The following ARB2A variants were observed in gnomAD, a reference collection of about 807,000 sequenced individuals.
The protein encoded by ARB2A is ARB2 cotranscriptional regulator A, also known as cotranscriptional regulator ARB2A.
At chr5:93,987,340 C>T in the ARB2A span, among the ~76,000 whole-genome samples, 2 of 152,038 alleles carry the variant, frequency 1.3e-5, no homozygotes, top group Admixed American at 6.6e-5. Context: ...TAATATTATT[C>T]AATAATATCA....
the ARB2A span, among the ~76,000 whole-genome samples, chr5:93,790,150 A>T: frequency 6.6e-6 from 1 of 152,202 alleles, no homozygotes; most frequent in African/African-American, 2.4e-5. Flanking sequence ...TCTGTACTTC[A>T]GCTTTATCAG....
chr5:93,912,262 A>G, the ARB2A span, among the ~76,000 whole-genome samples: 2 of 151,812 alleles, frequency 1.3e-5, no homozygotes, highest in African/African-American at 4.8e-5. Flanking sequence ...ATATTTTATC[A>G]TAATTTGCTT....
At chr5:93,948,289 T>C in the ARB2A span, among the ~76,000 whole-genome samples, 2 of 152,194 alleles carry the variant, frequency 1.3e-5, no homozygotes, top group Non-Finnish European at 1.5e-5. Flanking sequence ...TTTCATGTGT[T>C]TTTTGGCTGC....
the ARB2A span, among the ~76,000 whole-genome samples, chr5:93,768,002 A>C: frequency 1.5e-4 from 21 of 142,518 alleles, no homozygotes; most frequent in African/African-American, 5.1e-4. Flanking sequence ...TCAAAAAAAA[A>C]AAAAAAAAAA....
the ARB2A span, among the ~76,000 whole-genome samples, chr5:93,997,856 T>A: frequency 2.0e-5 from 3 of 151,952 alleles, no homozygotes; most frequent in Non-Finnish European, 4.4e-5. Context: ...ATATTGACCC[T>A]CACATACTCA....
At chr5:94,017,755 C>T in the ARB2A span, among the ~76,000 whole-genome samples, 1 of 152,096 alleles carries the variant, frequency 6.6e-6, no homozygotes, top group South Asian at 2.1e-4. Flanking sequence ...GTACAGTAGT[C>T]CCACTATTAC....
chr5:93,910,676 C>T, the ARB2A span: 2 of 151,362 alleles, frequency 1.3e-5, no homozygotes, highest in African/African-American at 4.8e-5. Context: ...GGTATTGTGA[C>T]ACATAACTAG....
the ARB2A span, among the ~76,000 whole-genome samples, chr5:93,727,431 T>A: frequency 6.6e-6 from 1 of 152,194 alleles, no homozygotes; most frequent in East Asian, 1.9e-4. Flanking sequence ...ATGATTTGGA[T>A]GAGCTATATT....
chr5:93,989,793 A>G, the ARB2A span, among the ~76,000 whole-genome samples: 1 of 152,150 alleles, frequency 6.6e-6, no homozygotes, highest in Non-Finnish European at 1.5e-5. Context: ...CATGTTTCAA[A>G]ACCAAGAAAA....
At chr5:93,712,945 T>C in the ARB2A span, among the ~76,000 whole-genome samples, 1 of 152,082 alleles carries the variant, frequency 6.6e-6, no homozygotes, top group South Asian at 2.1e-4. Flanking sequence ...GCCAAGAACA[T>C]ACACTGGGGA....
chr5:93,692,050 G>T, the ARB2A span, among the ~76,000 whole-genome samples: 1 of 152,048 alleles, frequency 6.6e-6, no homozygotes, highest in Admixed American at 6.6e-5. Context: ...AGGAAAAACT[G>T]GTACCTACCA....
chr5:93,799,328 C>T, the ARB2A span, among the ~76,000 whole-genome samples: 1 of 152,032 alleles, frequency 6.6e-6, no homozygotes, highest in South Asian at 2.1e-4. Context: ...GATAGTGTTG[C>T]TGTTGTTTTC....
the ARB2A span, among the ~76,000 whole-genome samples, chr5:93,923,572 A>G: frequency 6.6e-6 from 1 of 152,214 alleles, no homozygotes; most frequent in Admixed American, 6.5e-5. Flanking sequence ...CTGTAATCAC[A>G]GAACTCTGAG....
At chr5:94,077,086 G>A in the ARB2A span, among the ~76,000 whole-genome samples, 3 of 151,940 alleles carry the variant, frequency 2.0e-5, no homozygotes, top group African/African-American at 7.2e-5. Flanking sequence ...TAAGTTAAAA[G>A]ACTATTGGCT....
the ARB2A span, among the ~76,000 whole-genome samples, chr5:93,809,137 T>C: frequency 6.6e-6 from 1 of 152,020 alleles, no homozygotes; most frequent in South Asian, 2.1e-4. Flanking sequence ...AAACACTACA[T>C]AAAATATGAA....
the ARB2A span, among the ~76,000 whole-genome samples, chr5:93,784,005 T>G: frequency 6.6e-6 from 1 of 152,186 alleles, no homozygotes; most frequent in African/African-American, 2.4e-5. Context: ...AAAAGGAGAC[T>G]AAGTGTACCT....
chr5:93,784,145 A>G, the ARB2A span: 2 of 365,406 alleles, frequency 5.5e-6, no homozygotes, highest in East Asian at 4.9e-5. Context: ...ATTGAACACT[A>G]TACACATATA....
At chr5:93,985,848 G>A in the ARB2A span, among the ~76,000 whole-genome samples, 10 of 152,266 alleles carry the variant, frequency 6.6e-5, no homozygotes, top group Admixed American at 3.3e-4. Context: ...CCGCCACCCC[G>A]TCTGGGAAGT....
At chr5:94,046,620 T>G in the ARB2A span, among the ~76,000 whole-genome samples, 1 of 152,150 alleles carries the variant, frequency 6.6e-6, no homozygotes, top group Non-Finnish European at 1.5e-5. Flanking sequence ...CTCCCTCCCC[T>G]ATCTTAAAGT....
Sources: gnomAD v4.1 joint callset for allele counts (sites outside exome capture counted in the v4.1 genomes callset) on GRCh38, gnomAD v4.1.1 for gene constraint, MANE v1.5 for transcripts, NCBI Gene and HGNC (gene_info 2026-07-23, HGNC 2026-07-21) for gene names.